RASGEF1B: variants seen among roughly 807,000 people sequenced by gnomAD.
The protein encoded by RASGEF1B is ras-GEF domain-containing family member 1B.
A neutral mutation model predicts 65.7 loss-of-function variants in RASGEF1B; 30 were observed. That is an observed-to-expected ratio of 0.46 (90% CI 0.34 to 0.62). The LOEUF is 0.62. Among genes scored for constraint, RASGEF1B ranks in the 20% least tolerant of loss-of-function variants. The pLI, the probability that RASGEF1B is intolerant of heterozygous loss-of-function variation, is 0.01. For missense variants in RASGEF1B, 495 were observed against 580.1 expected (o/e 0.85, Z 1.51); for synonymous variants, 175 against 194.8 (o/e 0.90, Z 0.85).
intron 10 of RASGEF1B, among the ~76,000 whole-genome samples, chr4:81,436,685 T>C (rs922580976): frequency 6.6e-6 from 1 of 152,214 alleles, no homozygotes; most frequent in African/African-American, 2.4e-5. Context: ...ATCTTTTAAG[T>C]TCCCTAAGCT....
intron 1 of RASGEF1B, among the ~76,000 whole-genome samples, chr4:81,466,434 ACT>A (rs1722805209): frequency 1.3e-5 from 2 of 152,164 alleles, no homozygotes; most frequent in Non-Finnish European, 2.9e-5. Flanking sequence ...AGTTTCTGAC[ACT>A]ATTTAAAACA....
At chr4:81,442,255 G>A (rs766501815) in intron 9 of RASGEF1B, 42 bp downstream of exon 9, 2 of 1,230,672 alleles carry the variant, frequency 1.6e-6, no homozygotes, top group South Asian at 1.2e-5. Flanking sequence ...CACTTTCCAG[G>A]TGTAAAGTGT....
intron 4 of RASGEF1B, among the ~76,000 whole-genome samples, chr4:81,449,002 T>TG (rs1400858810): frequency 6.6e-6 from 1 of 151,878 alleles, no homozygotes; most frequent in Non-Finnish European, 1.5e-5. Flanking sequence ...TTTGTAGAGA[T>TG]GGGGTTTCAC....
At chr4:81,449,681 A>G (rs927782515) in intron 4 of RASGEF1B, among the ~76,000 whole-genome samples, 41 of 152,182 alleles carry the variant, frequency 2.7e-4, no homozygotes, top group African/African-American at 8.2e-4. Context: ...AAAATACCAC[A>G]ATATCATTTG....
intron 1 of RASGEF1B, among the ~76,000 whole-genome samples, chr4:81,464,444 T>A (rs1722740448): frequency 1.3e-5 from 2 of 152,270 alleles, no homozygotes; most frequent in South Asian, 4.1e-4. Flanking sequence ...TTTATTCAAA[T>A]CCTACCAATA....
At position 81,434,656 on chromosome 4, in the gene RASGEF1B, C is replaced by T. The variant is rs1270355055; in HGVS notation, c.1183G>A (p.Gly395Ser). 5 of 1,597,650 alleles carry T rather than the reference C, an allele frequency of 3.1e-6. No homozygotes were observed. Among genetic ancestry groups the T allele is most frequent in the Non-Finnish European group, 4.3e-6 (5 of 1,165,228 alleles). The part of the protein sequence containing the change: ...NEGCANRLPN[G>S]HVNFEKFWEL... Reference sequence around the variant, plus strand: ...ACACTCACCTCAAAATTGACATGGCCATTGGGAAGGCGGTTGGCACAACCC... The same window carrying T: ...ACACTCACCTCAAAATTGACATGGCTATTGGGAAGGCGGTTGGCACAACCC... The change falls in exon 11 of 14, where the codon GGC becomes AGC. Residue 395 changes from glycine to serine, a missense_variant. Transcript: ENST00000264400.
intron 1 of RASGEF1B, among the ~76,000 whole-genome samples, chr4:81,466,603 C>CA (rs1722816962): frequency 6.6e-6 from 1 of 151,274 alleles, no homozygotes; most frequent in South Asian, 2.1e-4. Flanking sequence ...ACTAAAAACA[C>CA]AAAAAATTAG....
rs1197748438 is a variant in RASGEF1B at position 81,440,924 on chromosome 4, C to T, written c.1014G>A (p.Gln338=). 6.3e-7 allele frequency: 1 copy of T among 1,598,324 alleles called. No individual in the cohort carries two copies. Among genetic ancestry groups the T allele is most frequent in the Non-Finnish European group, 8.6e-7 (1 of 1,166,312 alleles). ...KTAKFDILEH[Q]MDPSSNFYNY... is the part of the protein sequence containing the mutation. ...TATAGAAATTGCTTGAAGGGTCCAT[C>T]TGATGCTATAGATAAAAGAGAGAAG... Residue 338 remains glutamine, a synonymous_variant, in exon 10 of 14, where the codon CAG becomes CAA. Transcript: ENST00000264400.
At chr4:81,451,402 T>C (rs1722252531) in intron 4 of RASGEF1B, 1 of 150,674 alleles carries the variant, frequency 6.6e-6, no homozygotes, top group South Asian at 2.1e-4. Flanking sequence ...CATGGAAGGG[T>C]TTCCAAGACA....
chr4:81,445,950 T>TGAGAACAACAGAAAGAGAGA (rs1209953675), intron 6 of RASGEF1B, 112 bp from the exon 7 acceptor site: 2 of 718,154 alleles, frequency 2.8e-6, no homozygotes, highest in African/African-American at 3.6e-5. Context: ...GGAAAGCTTT[T>TGAGAACAACAGAAAGAGAGA]GAGAACAACA....
At position 81,448,301 on chromosome 4, in the gene RASGEF1B, G is replaced by A; in HGVS notation, c.439-17C>T. 1 of 1,600,848 alleles carries A rather than the reference G, an allele frequency of 6.2e-7. No homozygotes were observed. The highest frequency in any genetic ancestry group is 1.1e-5 in the South Asian group (1 of 90,768). On this transcript the variant is annotated splice_polypyrimidine_tract_variant and intron_variant, in intron 4 of 13. Coordinates refer to ENST00000264400, the MANE Select transcript of RASGEF1B (RefSeq NM_152545.3). ...GTATGTCTGCTAGGGAATAAGCGAAGAATTACATCCGTACTCTGCGTGTCT... is the reference window on the plus strand; with the variant it reads ...GTATGTCTGCTAGGGAATAAGCGAAAAATTACATCCGTACTCTGCGTGTCT...
chr4:81,450,236 G>A (rs904849768), intron 4 of RASGEF1B, among the ~76,000 whole-genome samples: 13 of 152,052 alleles, frequency 8.5e-5, no homozygotes, highest in African/African-American at 3.1e-4. Flanking sequence ...AAAAATCTAT[G>A]GCCAGGCATA....
chr4:81,466,535 A>G (rs554475958), intron 1 of RASGEF1B, among the ~76,000 whole-genome samples: 32 of 152,110 alleles, frequency 2.1e-4, no homozygotes, highest in East Asian at 1.2e-3. Context: ...TGAGGTGGGC[A>G]GATCACAAAG....
intron 1 of RASGEF1B, among the ~76,000 whole-genome samples, chr4:81,469,658 C>T (rs1454367262): frequency 6.6e-6 from 1 of 150,696 alleles, no homozygotes; most frequent in Admixed American, 6.6e-5. Flanking sequence ...TATATATACA[C>T]ACACACACAC....
At chr4:81,435,697 G>C (rs957719644) in intron 10 of RASGEF1B, among the ~76,000 whole-genome samples, 2 of 147,314 alleles carry the variant, frequency 1.4e-5, no homozygotes, top group Non-Finnish European at 1.5e-5. Context: ...GGATGGTCTC[G>C]ATCTCCTGAC....
chr4:81,435,706 A>C (rs1323375593), intron 10 of RASGEF1B, among the ~76,000 whole-genome samples: 1 of 143,382 alleles, frequency 7.0e-6, no homozygotes, highest in Non-Finnish European at 1.5e-5. Context: ...CGATCTCCTG[A>C]CCTTGTGATC....
chr4:81,466,770 A>AAAAGAAAGAAAG (rs1553947087), intron 1 of RASGEF1B, among the ~76,000 whole-genome samples: 2,035 of 36,068 alleles, frequency 0.056, 175 homozygotes, highest in South Asian at 0.1. Flanking sequence ...AAAAAAAAAA[A>AAAAGAAAGAAAG]AAAGAAAGAA....
At chr4:81,467,702 T>C (rs1303704796) in intron 1 of RASGEF1B, among the ~76,000 whole-genome samples, 1 of 152,196 alleles carries the variant, frequency 6.6e-6, no homozygotes, top group Non-Finnish European at 1.5e-5. Flanking sequence ...GTATTTGTGA[T>C]CTTGGCATAT....
intron 6 of RASGEF1B, among the ~76,000 whole-genome samples, chr4:81,447,298 T>C (rs1322182629): frequency 6.6e-6 from 1 of 152,114 alleles, no homozygotes; most frequent in East Asian, 1.9e-4. Flanking sequence ...AGGCTACAAG[T>C]TAGTGATGGG....
Sources: allele counts gnomAD v4.1 joint callset (sites outside exome capture counted in the v4.1 genomes callset), GRCh38; gene constraint gnomAD v4.1.1; transcripts MANE v1.5; gene names NCBI Gene and HGNC (gene_info 2026-07-23, HGNC 2026-07-21).